Variants in CALN1 observed in about 807,000 individuals in gnomAD.
CALN1 encodes the protein calcium-binding protein 8.
Under a neutral mutation model 30.6 loss-of-function variants are expected in CALN1, and 17 were observed. That is an observed-to-expected ratio of 0.56 (90% CI 0.38 to 0.83). CALN1 has a LOEUF of 0.83. CALN1 is among the 40% of genes least tolerant of loss of function. The pLI, the probability that CALN1 is intolerant of heterozygous loss-of-function variation, is 0.00. For synonymous variants in CALN1, 156 were observed against 131.4 expected (o/e 1.19, Z -1.28); for missense variants, 291 against 354.9 (o/e 0.82, Z 1.45).
At chr7:72,225,845 C>A (rs1185863465) in intron 3 of CALN1, among the ~76,000 whole-genome samples, 1 of 152,138 alleles carries the variant, frequency 6.6e-6, no homozygotes, top group Non-Finnish European at 1.5e-5. Context: ...GGCCTGTAAT[C>A]CCAGCACTTT....
intron 4 of CALN1, among the ~76,000 whole-genome samples, chr7:72,066,428 T>G (rs943580013): frequency 3.9e-5 from 6 of 152,360 alleles, no homozygotes; most frequent in African/African-American, 1.4e-4. Flanking sequence ...CAATGTAAAC[T>G]TGTCAAATGC....
chr7:72,173,368 G>A (rs1296197511), intron 3 of CALN1, among the ~76,000 whole-genome samples: 1 of 151,966 alleles, frequency 6.6e-6, no homozygotes, highest in Non-Finnish European at 1.5e-5. Flanking sequence ...ATTCCATATT[G>A]TTAAGAGATT....
chr7:71,862,426 G>C (rs180919896), intron 5 of CALN1, among the ~76,000 whole-genome samples: 189 of 152,284 alleles, frequency 1.2e-3, no homozygotes, highest in Middle Eastern at 0.01. Flanking sequence ...AGTCTCACGA[G>C]ATCTGATGGT....
chr7:72,154,674 G>A (rs1440672972), intron 3 of CALN1, among the ~76,000 whole-genome samples: 1 of 152,108 alleles, frequency 6.6e-6, no homozygotes, highest in African/African-American at 2.4e-5. Context: ...CTCCAGCAGG[G>A]CTTTTAAGGA....
At chr7:72,228,802 T>C (rs1262948596) in intron 3 of CALN1, among the ~76,000 whole-genome samples, 3 of 151,564 alleles carry the variant, frequency 2.0e-5, no homozygotes, top group Non-Finnish European at 4.4e-5. Context: ...TGCTCTATAG[T>C]CCAGGCTGGA....
intron 4 of CALN1, among the ~76,000 whole-genome samples, chr7:72,091,660 G>C (rs1020014225): frequency 6.6e-6 from 1 of 152,172 alleles, no homozygotes; most frequent in African/African-American, 2.4e-5. Context: ...AAACTCTAAA[G>C]CCTATAGAGA....
At chr7:72,016,245 T>A (rs1329444929) in intron 5 of CALN1, among the ~76,000 whole-genome samples, 1 of 101,064 alleles carries the variant, frequency 9.9e-6, no homozygotes, top group Admixed American at 1.1e-4. Flanking sequence ...TGAGACTCCA[T>A]CTCAAAAAAA....
At chr7:72,021,157 C>T (rs1800683781) in intron 5 of CALN1, among the ~76,000 whole-genome samples, 1 of 152,046 alleles carries the variant, frequency 6.6e-6, no homozygotes, top group Non-Finnish European at 1.5e-5. Flanking sequence ...CACCTGTGGT[C>T]CCAGCCACTT....
At chr7:72,022,991 A>G (rs1367009940) in intron 5 of CALN1, among the ~76,000 whole-genome samples, 1 of 151,854 alleles carries the variant, frequency 6.6e-6, no homozygotes, top group Non-Finnish European at 1.5e-5. Context: ...TTACGTGTCT[A>G]ACTGGTAATT....
At chr7:72,410,638 G>A (rs1807060271) in intron 1 of CALN1, among the ~76,000 whole-genome samples, 1 of 152,118 alleles carries the variant, frequency 6.6e-6, no homozygotes, top group Non-Finnish European at 1.5e-5. Flanking sequence ...GCTTAAATTC[G>A]CATAAGCAAA....
intron 2 of CALN1, among the ~76,000 whole-genome samples, chr7:72,348,642 A>T (rs1802768392): frequency 6.6e-6 from 1 of 152,256 alleles, no homozygotes; most frequent in East Asian, 1.9e-4. Context: ...AGTTCTGATG[A>T]TCCTGAGTGA....
chr7:72,317,854 G>A (rs1479008856), intron 2 of CALN1, among the ~76,000 whole-genome samples: 3 of 152,048 alleles, frequency 2.0e-5, no homozygotes, highest in Non-Finnish European at 4.4e-5. Flanking sequence ...TCCAAAGAAT[G>A]TCCTCGCAAC....
intron 5 of CALN1, among the ~76,000 whole-genome samples, chr7:71,961,212 T>C (rs755028092): frequency 3.3e-5 from 5 of 152,226 alleles, no homozygotes; most frequent in Non-Finnish European, 7.3e-5. Context: ...ATCTGAAAGA[T>C]TACTTCTCAT....
At chr7:71,806,806 C>G (rs1188229644) in intron 6 of CALN1, among the ~76,000 whole-genome samples, 2 of 152,178 alleles carry the variant, frequency 1.3e-5, no homozygotes, top group African/African-American at 4.8e-5. Flanking sequence ...ATTTTTCAGT[C>G]TCTTGCCCTC....
chr7:72,146,555 T>C (rs1220895989), intron 3 of CALN1, among the ~76,000 whole-genome samples: 3 of 152,192 alleles, frequency 2.0e-5, no homozygotes, highest in Non-Finnish European at 4.4e-5. Flanking sequence ...AGGTAATTTA[T>C]AGATTCAATG....
At chr7:71,914,781 A>C (rs527728585) in intron 5 of CALN1, among the ~76,000 whole-genome samples, 3 of 152,138 alleles carry the variant, frequency 2.0e-5, no homozygotes, top group African/African-American at 7.2e-5. Context: ...TTTGATCTGC[A>C]TTTCTCTAAT....
chr7:72,436,013 T>G (rs1278897177), intron 1 of CALN1, among the ~76,000 whole-genome samples: 5 of 152,168 alleles, frequency 3.3e-5, no homozygotes, highest in African/African-American at 1.2e-4. Context: ...ATGTGAGCTA[T>G]GAGATGCCCC....
intron 3 of CALN1, among the ~76,000 whole-genome samples, chr7:72,184,054 T>C (rs1790008092): frequency 6.6e-6 from 1 of 152,150 alleles, no homozygotes; most frequent in African/African-American, 2.4e-5. Context: ...TCCAAGAACC[T>C]TTGCTAAAGT....
chr7:72,087,751 T>C lies in CALN1; in HGVS notation c.388+18400A>G, dbSNP rs538922028. On this transcript the variant is annotated intron_variant, in intron 4 of 6. Coordinates refer to ENST00000395275, the MANE Select transcript of CALN1 (RefSeq NM_031468.4). Reference sequence around the variant, plus strand: ...AGCTATGAGGGGTATTGGAAGGCCATAGCCCAGGATCTAAGCTGTGGATAA... The same window carrying C: ...AGCTATGAGGGGTATTGGAAGGCCACAGCCCAGGATCTAAGCTGTGGATAA... Among the ~76,000 whole-genome samples the C allele has an allele frequency of 4.6e-5, 7 of 152,292 alleles. No individual in the cohort carries two copies. In the East Asian group the frequency reaches 9.7e-4, roughly 21 times the overall value.
Sources: gnomAD v4.1 joint callset for allele counts (sites outside exome capture counted in the v4.1 genomes callset) on GRCh38, gnomAD v4.1.1 for gene constraint, MANE v1.5 for transcripts, NCBI Gene and HGNC (gene_info 2026-07-23, HGNC 2026-07-21) for gene names.